Variants in ZFYVE19 observed in about 807,000 individuals in gnomAD.
ZFYVE19 encodes the protein zinc finger FYVE-type containing 19, also known as abscission/NoCut checkpoint regulator.
ZFYVE19 carries 49 observed loss-of-function variants against 62.8 expected under a neutral mutation model. That is an observed-to-expected ratio of 0.78 (90% CI 0.62 to 0.99). The LOEUF (loss-of-function observed/expected upper bound fraction) is 0.99, where lower values mean the gene tolerates loss of function less well. Among genes scored for constraint, ZFYVE19 ranks in the 50% least tolerant of loss-of-function variants. ZFYVE19 has a pLI of 0.00. For synonymous variants in ZFYVE19, 242 were observed against 234.3 expected, an observed-to-expected ratio of 1.03 and a Z score of -0.30; for missense variants, 630 against 601.9, an observed-to-expected ratio of 1.05 and a Z score of -0.49.
At chr15:40,810,270 G>A (rs975416731) in intron 5 of ZFYVE19, 54 bp downstream of exon 5, 2 of 1,602,790 alleles carry the variant, frequency 1.2e-6, no homozygotes, top group African/African-American at 2.7e-5. Flanking sequence ...GGACCCAGCA[G>A]AAGCCCAGAT....
At chr15:40,813,189 G>A in intron 7 of ZFYVE19, 149 bp from the exon 8 acceptor site, 1 of 742,608 alleles carries the variant, frequency 1.3e-6, no homozygotes, top group East Asian at 2.7e-5. Flanking sequence ...GGCAGGGACA[G>A]GTCATCAGGG....
intron 7 of ZFYVE19, 88 bp downstream of exon 7, chr15:40,812,990 C>T (rs604250): frequency 0.36 from 523,312 of 1,447,232 alleles, 99,592 homozygotes; most frequent in East Asian, 0.67. Flanking sequence ...GTATTTGCGC[C>T]CAGAGATCTA....
At chr15:40,810,359 C>T in intron 5 of ZFYVE19, 143 bp downstream of exon 5, 1 of 1,389,256 alleles carries the variant, frequency 7.2e-7, no homozygotes, top group Non-Finnish European at 9.6e-7. Flanking sequence ...TACTTTTGCA[C>T]CAACCTTTGT....
chr15:40,812,792 GA>G lies in ZFYVE19; in HGVS notation c.921del (p.Arg307SerfsTer27). 6.2e-7 allele frequency: 1 copy of G among 1,613,584 alleles called. No homozygotes were observed. Among genetic ancestry groups the G allele is most frequent in the East Asian group, 2.2e-5 (1 of 44,856 alleles). Reference protein sequence around the residue: ...ANWSLEEEKSRLLAEAALELR... With the variant: ...ANWSLEEEKSXLLAEAALELR... ...TGGTCCTTGGAGGAGGAGAAGAGCA[GA>G]CTGCTGGCTGAGGCAGCACTTGAGT... On this transcript the variant is annotated frameshift_variant, in exon 7 of 11. Coordinates refer to ENST00000355341, the MANE Select transcript of ZFYVE19 (RefSeq NM_001077268.2). LOFTEE classifies it high-confidence loss of function.
rs1269649770 is a variant in ZFYVE19, at chr15:40,813,801, C to T, written c.1199C>T (p.Ala400Val). ...ASRPWTQPRG[A>V]EPEAQDVDPR... ...CGACCCTGGACGCAACCCCGCGGGGCAGAGCCTGAGGTGAGAAAAGCCCCA... is the reference window on the plus strand; with the variant it reads ...CGACCCTGGACGCAACCCCGCGGGGTAGAGCCTGAGGTGAGAAAAGCCCCA... The change falls in exon 9 of 11, where the codon GCA becomes GTA. Residue 400 changes from alanine (A) to valine (V), a missense_variant. Ala to Val is a moderately conservative substitution (Grantham distance 64, BLOSUM62 0). Coordinates refer to ENST00000355341, the MANE Select transcript of ZFYVE19 (RefSeq NM_001077268.2). The T allele has an allele frequency of 6.2e-7, 1 of 1,613,588 alleles. No individual in the cohort carries two copies. Among genetic ancestry groups the T allele is most frequent in the Non-Finnish European group, 8.5e-7 (1 of 1,179,828 alleles).
At chr15:40,809,049 T>C in intron 1 of ZFYVE19, 70 bp from the exon 2 acceptor site, 1 of 1,592,054 alleles carries the variant, frequency 6.3e-7, no homozygotes, top group Non-Finnish European at 8.6e-7. Flanking sequence ...CTGTGTGTGC[T>C]TGGAGAGTCC....
rs386382810 is a variant in ZFYVE19 at position 40,807,707 on chromosome 15, G to GGGGCA, written c.127_131dup (p.Arg48LysfsTer63). 1.0e-5 allele frequency: 16 copies of GGGGCA among 1,602,176 alleles called. No homozygotes were observed. In the Admixed American group the frequency reaches 1.4e-4, roughly 14 times the overall value. On this transcript the variant is annotated frameshift_variant, in exon 1 of 11. Transcript: ENST00000355341. LOFTEE classifies it high-confidence loss of function. ...GACAGTGCCAGTGGGCGTGTGGGGC[G>GGGGCA]GGGCAGGGCAGGGAAGGGAAGGGCG... is the stretch of plus-strand genomic sequence containing the variant.
intron 10 of ZFYVE19, 32 bp from the exon 11 acceptor site, chr15:40,814,116 G>C (rs1412182748): frequency 1.2e-6 from 2 of 1,614,088 alleles, no homozygotes; most frequent in East Asian, 4.5e-5. Context: ...AGGGCTGCCT[G>C]GATCCCTGAC....
At chr15:40,812,612 AAAG>A (rs1387404837) in intron 6 of ZFYVE19, 84 bp from the exon 7 acceptor site, 1 of 949,206 alleles carries the variant, frequency 1.1e-6, no homozygotes. Flanking sequence ...AAGAAAAAGA[AAAG>A]AAAAGGTTGA....
chr15:40,812,155 G>C (rs1566838505), intron 6 of ZFYVE19, among the ~76,000 whole-genome samples: 1 of 152,144 alleles, frequency 6.6e-6, no homozygotes, highest in Non-Finnish European at 1.5e-5. Flanking sequence ...AAAATTATTA[G>C]TTTTTTACAT....
At chr15:40,813,236 C>T in intron 7 of ZFYVE19, 102 bp from the exon 8 acceptor site, 3 of 1,160,094 alleles carry the variant, frequency 2.6e-6, no homozygotes, top group South Asian at 2.8e-5. Context: ...AATAAGTGCC[C>T]CTGGGAACCG....
intron 1 of ZFYVE19, chr15:40,808,318 GGTGAA>G: frequency 6.3e-7 from 1 of 1,597,886 alleles, no homozygotes; most frequent in Middle Eastern, 1.7e-4. Flanking sequence ...GGGGCACCAT[GGTGAA>G]GGCTGACTGT....
At position 40,807,645 on chromosome 15, in the gene ZFYVE19, G is replaced by C. The variant is rs201109162; in HGVS notation, c.56G>C (p.Arg19Thr). The C allele has an allele frequency of 1.9e-3, 2,998 of 1,613,098 alleles. 4 individuals carry two copies. Among genetic ancestry groups the C allele is most frequent in the Non-Finnish European group, 2.2e-3 (2,608 of 1,179,840 alleles). ...PLPPLPYAGC[R>T]RASGFPALGR... ...CCGCCGCTGCCGTACGCTGGCTGCA[G>C]GAGAGCGTCCGGATTCCCTGCTCTA... Residue 19 changes from arginine (R) to threonine (T), a missense_variant, in exon 1 of 11, where the codon AGG becomes ACG. Arg to Thr is a moderately conservative substitution (Grantham distance 71). Coordinates refer to ENST00000355341, the MANE Select transcript of ZFYVE19 (RefSeq NM_001077268.2).
At chr15:40,813,657 AG>A in intron 8 of ZFYVE19, 55 bp from the exon 9 acceptor site, 1 of 1,493,118 alleles carries the variant, frequency 6.7e-7, no homozygotes, top group Non-Finnish European at 9.2e-7. Context: ...AAATACTGGG[AG>A]ATGGAGGGCC....
chr15:40,813,024 G>A (rs1208693491), intron 7 of ZFYVE19, 122 bp downstream of exon 7: 2 of 1,170,104 alleles, frequency 1.7e-6, no homozygotes, highest in East Asian at 2.5e-5. Context: ...AGAGCCACAA[G>A]GAAGGTGGTA....
intron 8 of ZFYVE19, 85 bp downstream of exon 8, chr15:40,813,502 A>G: frequency 7.1e-7 from 1 of 1,404,848 alleles, no homozygotes; most frequent in Non-Finnish European, 9.8e-7. Flanking sequence ...GTGGACAGTA[A>G]CTGTGAAGCT....
Position 40,807,674 on chromosome 15 carries a change from C to A in ZFYVE19, c.85C>A (p.Arg29Ser). Residue 29 changes from arginine to serine, a missense_variant, in exon 1 of 11, where the codon CGC becomes AGC. Physicochemically the swap from Arg to Ser is moderately radical, Grantham distance 110. Coordinates refer to ENST00000355341, the MANE Select transcript of ZFYVE19 (RefSeq NM_001077268.2). The stretch of plus-strand genomic sequence containing the variant: ...AGCGTCCGGATTCCCTGCTCTAGGT[C>A]GCGGCGGGACAGTGCCAGTGGGCGT... ...RRASGFPALG[R>S]GGTVPVGVWG... The A allele has an allele frequency of 1.2e-6, 2 of 1,610,616 alleles. No homozygotes were observed. Among genetic ancestry groups the A allele is most frequent in the African/African-American group, 1.3e-5 (1 of 74,874 alleles).
chr15:40,812,757 G>A lies in ZFYVE19; in HGVS notation c.885G>A (p.Arg295=). The change falls in exon 7 of 11, where the codon AGG becomes AGA. Residue 295 remains arginine (R), a synonymous_variant. Coordinates refer to ENST00000355341, the MANE Select transcript of ZFYVE19 (RefSeq NM_001077268.2). ...GCCCAGGGAGCACTAATTCCAAGAG[G>A]CAGGCCAACTGGTCCTTGGAGGAGG... is the stretch of plus-strand genomic sequence containing the variant. ...QGGPGSTNSK[R]QANWSLEEEK... The A allele has an allele frequency of 6.2e-7, 1 of 1,612,568 alleles. No individual in the cohort carries two copies. The highest frequency in any genetic ancestry group is 8.5e-7 in the Non-Finnish European group (1 of 1,180,008).
chr15:40,808,984 G>A, intron 1 of ZFYVE19, 135 bp from the exon 2 acceptor site: 1 of 1,348,958 alleles, frequency 7.4e-7, no homozygotes, highest in Non-Finnish European at 1.0e-6. Context: ...AGGCCTTAGG[G>A]GCCCCACTCC....
Sources: allele counts gnomAD v4.1 joint callset (sites outside exome capture counted in the v4.1 genomes callset), GRCh38; gene constraint gnomAD v4.1.1; transcripts MANE v1.5; gene names NCBI Gene and HGNC (gene_info 2026-07-23, HGNC 2026-07-21).